The following CD58 variants were observed in gnomAD, a reference collection of about 807,000 sequenced individuals.
CD58 encodes lymphocyte function-associated antigen 3.
Under a neutral mutation model 27.6 loss-of-function variants are expected in CD58, and 14 were observed. That is an observed-to-expected ratio of 0.51 (90% CI 0.34 to 0.79). The LOEUF is 0.79. Ranked by LOEUF, CD58 falls within the 30% of genes least tolerant of loss-of-function variation. CD58 has a pLI of 0.02. For synonymous variants in CD58, 117 were observed against 103.8 expected (o/e 1.13, Z -0.77); for missense variants, 268 against 301.7 (o/e 0.89, Z 0.83).
intron 1 of CD58, among the ~76,000 whole-genome samples, chr1:116,560,765 T>C (rs1024007336): frequency 1.7e-4 from 26 of 152,192 alleles, no homozygotes; most frequent in African/African-American, 6.0e-4. Flanking sequence ...GCACTGAAAG[T>C]TATCTCCAAA....
At chr1:116,549,254 A>C (rs1293782814) in intron 1 of CD58, among the ~76,000 whole-genome samples, 1 of 152,222 alleles carries the variant, frequency 6.6e-6, no homozygotes, top group African/African-American at 2.4e-5. Context: ...ATTGCTGCTA[A>C]GTAAAAGCAT....
intron 3 of CD58, chr1:116,533,112 C>T (rs1358191553): frequency 8.0e-6 from 6 of 748,130 alleles, no homozygotes; most frequent in South Asian, 2.8e-5. Flanking sequence ...GCCTGTGGTC[C>T]GCTCACGGAA....
chr1:116,570,797 C>T lies in CD58; in HGVS notation c.70+106G>A. 1 of 819,566 alleles carries T rather than the reference C, an allele frequency of 1.2e-6. No individual in the cohort carries two copies. Among genetic ancestry groups the T allele is most frequent in the Non-Finnish European group, 1.9e-6 (1 of 530,610 alleles). 50.8% of individuals were successfully genotyped at this position (819,566 alleles called of 1,614,324 possible). A position where few individuals can be genotyped will look rare whatever the true frequency, so the allele number is the denominator to read the frequency against. On this transcript the variant is annotated intron_variant, in intron 1 of 5. Transcript: ENST00000369489. This position sits in a 1 kb window ranked among gnomAD's most constrained non-coding sequence, Gnocchi z 6.4. ...CCCGGCCCACAGCGACCCGTCCCCA[C>T]CCGTCTCTGATCGGCAACCGCCTCG...
At chr1:116,562,968 A>G (rs55842195) in intron 1 of CD58, among the ~76,000 whole-genome samples, 9,210 of 152,240 alleles carry the variant, frequency 0.06, 417 homozygotes, top group Non-Finnish European at 0.089. Flanking sequence ...CATTAATCCA[A>G]AAGTCTAAAT....
chr1:116,525,467 A>G (rs1031926604), intron 3 of CD58, among the ~76,000 whole-genome samples: 9 of 152,224 alleles, frequency 5.9e-5, no homozygotes, highest in African/African-American at 2.2e-4. Flanking sequence ...CCAAGTTTTG[A>G]CAATTATTAA....
At position 116,521,821 on chromosome 1, in the gene CD58, C is replaced by T. The variant is rs1657271939; in HGVS notation, c.706+85G>A. 1.1e-6 allele frequency: 1 copy of T among 898,224 alleles called. No individual in the cohort carries two copies. 55.6% of individuals were successfully genotyped at this position (898,224 alleles called of 1,614,324 possible). On this transcript the variant is annotated intron_variant, in intron 4 of 5. Transcript: ENST00000369489. This position sits in a 1 kb window ranked among gnomAD's most constrained non-coding sequence, Gnocchi z 5.6. ...CTTTTCAAATGTCTAAAATTTCAAA[C>T]TTTATTTTCATCCTTAAACTATTTT...
At position 116,522,135 on chromosome 1, in the gene CD58, G is replaced by A. The variant is rs1410826273; in HGVS notation, c.629-152C>T. ...CCAAAGCAGTCATTCTCAGACATAA[G>A]AACAGTGATGAAAACTTTGAGTCAC... On this transcript the variant is annotated intron_variant, in intron 3 of 5. Transcript: ENST00000369489. This position sits in a 1 kb window ranked among gnomAD's most constrained non-coding sequence, Gnocchi z 4.6. 1.8e-6 allele frequency: 1 copy of A among 559,810 alleles called. No individual in the cohort carries two copies. Among genetic ancestry groups the A allele is most frequent in the Non-Finnish European group, 3.3e-6 (1 of 306,526 alleles). The allele number at this position is 559,810 out of a possible 1,614,324, so 34.7% of individuals were successfully genotyped here.
Position 116,523,483 on chromosome 1 carries a change from A to T in CD58, c.629-1500T>A, listed in dbSNP as rs184593783. On this transcript the variant is annotated intron_variant, in intron 3 of 5. Transcript: ENST00000369489. The surrounding 1 kb of genome is among the most constrained non-coding windows in gnomAD (Gnocchi z 4.4). ...TTAGGAACACAGGTGTGTTGGAGCA[A>T]ATAGGCAGTCACCTATTGGTCAGAT... 6.6e-6 allele frequency among the ~76,000 whole-genome samples: 1 copy of T among 152,300 alleles called. No individual in the cohort carries two copies. The highest frequency in any genetic ancestry group is 1.9e-4 in the East Asian group (1 of 5,188).
chr1:116,570,998 A>C lies in CD58; in HGVS notation c.-26T>G. Reference sequence around the variant, plus strand: ...GGCTCGTCGGGCCGGCCTCTGCGCGAGTGCCCAGCCACAAGCAGCCCTAAG... The same window carrying C: ...GGCTCGTCGGGCCGGCCTCTGCGCGCGTGCCCAGCCACAAGCAGCCCTAAG... On this transcript the variant is annotated 5_prime_UTR_variant, in exon 1 of 6. Coordinates refer to ENST00000369489, the MANE Select transcript of CD58 (RefSeq NM_001779.3). This position sits in a 1 kb window ranked among gnomAD's most constrained non-coding sequence, Gnocchi z 6.4. The C allele has an allele frequency of 6.5e-7, 1 of 1,531,118 alleles. No homozygotes were observed. Among genetic ancestry groups the C allele is most frequent in the Non-Finnish European group, 8.7e-7 (1 of 1,144,754 alleles). The allele number at this position is 1,531,118 out of a possible 1,614,324, so 94.8% of individuals were successfully genotyped here.
At chr1:116,539,543 A>T (rs1311294036) in intron 2 of CD58, among the ~76,000 whole-genome samples, 3 of 152,268 alleles carry the variant, frequency 2.0e-5, no homozygotes, top group African/African-American at 7.2e-5. Context: ...GAAAAAAAAC[A>T]GAATATGAAA....
rs59456290 is a variant in CD58 at position 116,559,576 on chromosome 1, C to G, written c.70+11327G>C. On this transcript the variant is annotated intron_variant, in intron 1 of 5. Transcript: ENST00000369489. This position sits in a 1 kb window ranked among gnomAD's most constrained non-coding sequence, Gnocchi z 4.4. ...TTTACTGATTTCAGCCACACCACCA[C>G]CAGTTTCCCTGCCCTCATCTACTTC... Among the ~76,000 whole-genome samples, 12 of 152,162 alleles carry G rather than the reference C, an allele frequency of 7.9e-5. No individual in the cohort carries two copies. Among genetic ancestry groups the G allele is most frequent in the African/African-American group, 2.9e-4 (12 of 41,436 alleles).
chr1:116,535,924 T>C, intron 3 of CD58, 41 bp downstream of exon 3: 1 of 1,513,916 alleles, frequency 6.6e-7, no homozygotes, highest in East Asian at 2.3e-5. Flanking sequence ...ACCACATCTG[T>C]GGTCTGAAAG....
intron 3 of CD58, among the ~76,000 whole-genome samples, chr1:116,529,783 C>T (rs919071786): frequency 2.6e-5 from 4 of 152,166 alleles, no homozygotes; most frequent in African/African-American, 9.7e-5. Flanking sequence ...AGAACTCTGT[C>T]CTCAATCTTA....
intron 3 of CD58, among the ~76,000 whole-genome samples, 192 bp downstream of exon 3, chr1:116,535,773 G>A (rs905820164): frequency 5.4e-5 from 7 of 130,456 alleles, no homozygotes; most frequent in African/African-American, 1.2e-4. Context: ...CCCAGGAGGC[G>A]GAGCTTGCAG....
chr1:116,545,052 G>A (rs564429548), intron 1 of CD58, among the ~76,000 whole-genome samples: 4 of 152,206 alleles, frequency 2.6e-5, no homozygotes, highest in Non-Finnish European at 5.9e-5. Flanking sequence ...GGGAGTGGAA[G>A]AAGAGATGAT....
At chr1:116,540,697 T>A (rs2101184194) in intron 2 of CD58, among the ~76,000 whole-genome samples, 1 of 152,314 alleles carries the variant, frequency 6.6e-6, no homozygotes, top group African/African-American at 2.4e-5. Flanking sequence ...TGATCAAAAC[T>A]CACCTCCCCT....
Position 116,556,116 on chromosome 1 carries a change from G to A in CD58, c.71-11512C>T, listed in dbSNP as rs144287058. Among the ~76,000 whole-genome samples, 369 of 152,034 alleles carry A rather than the reference G, an allele frequency of 2.4e-3. 3 individuals carry two copies. Among genetic ancestry groups the A allele is most frequent in the Non-Finnish European group, 5.7e-4 (39 of 67,936 alleles). ...ACTAAAAATACAAAATTAGCTGGGCGTGGTGGCACTCGCCTGTAATCCCAG... is the reference window on the plus strand; with the variant it reads ...ACTAAAAATACAAAATTAGCTGGGCATGGTGGCACTCGCCTGTAATCCCAG... On this transcript the variant is annotated intron_variant, in intron 1 of 5. Transcript: ENST00000369489.
At chr1:116,548,279 A>G (rs1220975472) in intron 1 of CD58, among the ~76,000 whole-genome samples, 3 of 152,158 alleles carry the variant, frequency 2.0e-5, no homozygotes, top group Non-Finnish European at 4.4e-5. Flanking sequence ...GATTGTTTAT[A>G]TTGCTGTACA....
chr1:116,546,007 T>C lies in CD58; in HGVS notation c.71-1403A>G, dbSNP rs531200590. Among the ~76,000 whole-genome samples, 115 of 152,218 alleles carry C rather than the reference T, an allele frequency of 7.6e-4. No individual in the cohort carries two copies. The highest frequency in any genetic ancestry group is 2.4e-3 in the African/African-American group (100 of 41,530). On this transcript the variant is annotated intron_variant, in intron 1 of 5. Transcript: ENST00000369489. The surrounding 1 kb of genome is among the most constrained non-coding windows in gnomAD (Gnocchi z 4.1). The stretch of plus-strand genomic sequence containing the variant: ...ACCTGGGTAAAATGGCGAAACCCCA[T>C]CTTTACGAAAAGTACAAAAAATTAG...
Sources: allele counts gnomAD v4.1 joint callset (sites outside exome capture counted in the v4.1 genomes callset), GRCh38; gene constraint gnomAD v4.1.1; non-coding constraint Gnocchi (gnomAD v3.1); transcripts MANE v1.5; gene names NCBI Gene and HGNC (gene_info 2026-07-23, HGNC 2026-07-21).